The following P2RX4 variants were observed in gnomAD, a reference collection of about 807,000 sequenced individuals.
P2RX4 encodes the protein purinergic receptor P2X 4.
P2RX4 carries 37 observed loss-of-function variants against 48.0 expected under a neutral mutation model. The observed-to-expected ratio is 0.77, with a 90% CI of 0.59 to 1.01. The LOEUF (loss-of-function observed/expected upper bound fraction) is 1.01. Ranked by LOEUF, P2RX4 falls within the 50% of genes least tolerant of loss-of-function variation. P2RX4 has a pLI of 0.00. For synonymous variants in P2RX4, 200 were observed against 199.7 expected, an observed-to-expected ratio of 1.00 and a Z score of -0.01; for missense variants, 501 against 521.4, an observed-to-expected ratio of 0.96 and a Z score of 0.38.
chr12:121,210,267 G>A lies in P2RX4; in HGVS notation c.103G>A (p.Val35Met), dbSNP rs149492132. The A allele has an allele frequency of 6.4e-6, 10 of 1,556,152 alleles. No homozygotes were observed. The Admixed American group carries it at 1.2e-4, about 18-fold the overall frequency. ...SRKVGLMNRAVQLLILAYVIG... is the reference protein window; with the variant it reads ...SRKVGLMNRAMQLLILAYVIG... ...CAAAGTGGGGCTCATGAACCGCGCC[G>A]TGCAACTGCTCATCCTGGCCTACGT... is the stretch of plus-strand genomic sequence containing the variant. Residue 35 changes from valine (V) to methionine (M), a missense_variant, in exon 1 of 12, where the codon GTG becomes ATG. Coordinates refer to ENST00000337233, the MANE Select transcript of P2RX4 (RefSeq NM_002560.3).
At chr12:121,224,849 C>T (rs1886879566) in intron 5 of P2RX4, among the ~76,000 whole-genome samples, 2 of 151,222 alleles carry the variant, frequency 1.3e-5, no homozygotes, top group Non-Finnish European at 2.9e-5. Context: ...TGTGTTGAGA[C>T]AGAAGGAAAG....
rs71079040 is a variant in P2RX4 at position 121,221,166 on chromosome 12, TTGTGTG to T, written c.283-721_283-716del. 7.6e-3 allele frequency among the ~76,000 whole-genome samples: 768 copies of T among 100,896 alleles called. 2 individuals are homozygous for T. The highest frequency in any genetic ancestry group is 0.019 in the African/African-American group (500 of 26,310). 66.2% of individuals were successfully genotyped at this position (100,896 alleles called of 152,430 possible). ...TGTGTGTGCGTGTGTCTGTGTGTGTTTGTGTGTGTGTGTGTGTGTGTGTGTGTGTGT... is the reference window on the plus strand; with the variant it reads ...TGTGTGTGCGTGTGTCTGTGTGTGTTTGTGTGTGTGTGTGTGTGTGTGTGT... On this transcript the variant is annotated intron_variant, in intron 2 of 11. Coordinates refer to ENST00000337233, the MANE Select transcript of P2RX4 (RefSeq NM_002560.3).
In P2RX4 at chr12:121,232,622, T is replaced by G. The variant is rs1218262586; in HGVS notation, c.990T>G (p.Phe330Leu). The change falls in exon 10 of 12, where the codon TTT becomes TTG. Residue 330 changes from phenylalanine (F) to leucine (L), a missense_variant. Transcript: ENST00000337233. This position sits in a 1 kb window ranked among gnomAD's most constrained non-coding sequence, Gnocchi z 4.3. ...DIIVFGKAGK[F>L]DIIPTMINIG... ...CGGTGTCTTGGCAGGCAGGGAAATT[T>G]GACATCATCCCCACTATGATCAACA... 1 of 1,614,038 alleles carries G rather than the reference T, an allele frequency of 6.2e-7. No individual in the cohort carries two copies. Among genetic ancestry groups the G allele is most frequent in the Admixed American group, 1.7e-5 (1 of 60,026 alleles).
Position 121,210,185 on chromosome 12 carries a change from G to A in P2RX4, c.21G>A (p.Ala7=), listed in dbSNP as rs1885713025. 3 of 1,530,610 alleles carry A rather than the reference G, an allele frequency of 2.0e-6. No individual in the cohort carries two copies. In the East Asian group the frequency reaches 8.3e-5, roughly 42 times the overall value. 94.8% of individuals were successfully genotyped at this position (1,530,610 alleles called of 1,614,324 possible). Residue 7 remains alanine (A), a synonymous_variant, in exon 1 of 12, where the codon GCG becomes GCA. Transcript: ENST00000337233. MAGCCA[A]LAAFLFEYDT... is the part of the protein sequence containing the mutation. ...CGGCCATGGCGGGCTGCTGCGCCGCGCTGGCGGCCTTCCTGTTCGAGTACG... is the reference window on the plus strand; with the variant it reads ...CGGCCATGGCGGGCTGCTGCGCCGCACTGGCGGCCTTCCTGTTCGAGTACG...
At position 121,228,791 on chromosome 12, in the gene P2RX4, T is replaced by A; in HGVS notation, c.672T>A (p.Asp224Glu). ...LKSCIYDAKT[D>E]PFCPIFRLGK... ...CGTGCATTTATGATGCTAAAACAGATCCCTTCTGCCCCATATTCCGTCTTG... is the reference window on the plus strand; with the variant it reads ...CGTGCATTTATGATGCTAAAACAGAACCCTTCTGCCCCATATTCCGTCTTG... Residue 224 changes from aspartate (D) to glutamate (E), a missense_variant, in exon 7 of 12, where the codon GAT becomes GAA. By Grantham distance (45) the Asp-to-Glu change is conservative. Around this residue, in one of 3 missense-constraint regions of P2RX4, gnomAD observed 9 missense variants for 26.6 expected, o/e 0.34. Transcript: ENST00000337233. 5 of 1,614,124 alleles carry A rather than the reference T, an allele frequency of 3.1e-6. No individual in the cohort carries two copies. Among genetic ancestry groups the A allele is most frequent in the South Asian group, 1.1e-5 (1 of 91,088 alleles).
intron 2 of P2RX4, among the ~76,000 whole-genome samples, chr12:121,218,810 T>G (rs1886389351): frequency 6.6e-6 from 1 of 152,184 alleles, no homozygotes; most frequent in South Asian, 2.1e-4. Context: ...GTCATCTATT[T>G]GCAGCCCCTT....
chr12:121,222,054 C>T (rs369774295), intron 3 of P2RX4, 40 bp from the exon 4 acceptor site: 17 of 1,599,792 alleles, frequency 1.1e-5, no homozygotes, highest in African/African-American at 9.4e-5. Flanking sequence ...TGTGTGGGGC[C>T]GGGCCACGTG....
intron 8 of P2RX4, among the ~76,000 whole-genome samples, chr12:121,230,915 T>A (rs943968436): frequency 2.1e-5 from 3 of 145,938 alleles, no homozygotes; most frequent in African/African-American, 7.8e-5. Flanking sequence ...CTCTCTCTCA[T>A]ATATGTATAT....
At chr12:121,230,407 A>G (rs1887264444) in intron 8 of P2RX4, among the ~76,000 whole-genome samples, 1 of 152,154 alleles carries the variant, frequency 6.6e-6, no homozygotes, top group African/African-American at 2.4e-5. Context: ...GAGGCCCTGC[A>G]AGGACCATCC....
Position 121,232,558 on chromosome 12 carries a change from G to T in P2RX4, c.978+51G>T, listed in dbSNP as rs1465494038. On this transcript the variant is annotated intron_variant, in intron 9 of 11. Transcript: ENST00000337233. The surrounding 1 kb of genome is among the most constrained non-coding windows in gnomAD (Gnocchi z 4.3). ...CCGTCACTCCCTGCAGGGACAAGGG[G>T]CCTCTCCCTGCCCCTGCAGAAACAC... 3 of 1,600,578 alleles carry T rather than the reference G, an allele frequency of 1.9e-6. No homozygotes were observed. Among genetic ancestry groups the T allele is most frequent in the Admixed American group, 1.7e-5 (1 of 59,990 alleles).
At chr12:121,223,403 C>T in intron 5 of P2RX4, 1 of 322,288 alleles carries the variant, frequency 3.1e-6, no homozygotes, top group Non-Finnish European at 6.0e-6. Context: ...GCCGGAAGCA[C>T]CTTCAACTCT....
At position 121,221,898 on chromosome 12, in the gene P2RX4, G is replaced by A; in HGVS notation, c.283-15G>A. ...CCTCTGAGCGTGGCTTGCCCGTGCT[G>A]TCTCCCCTCTGCAGGAGGAAAACTC... is the stretch of plus-strand genomic sequence containing the variant. On this transcript the variant is annotated splice_polypyrimidine_tract_variant and intron_variant, in intron 2 of 11. Coordinates refer to ENST00000337233, the MANE Select transcript of P2RX4 (RefSeq NM_002560.3). 1 of 1,613,682 alleles carries A rather than the reference G, an allele frequency of 6.2e-7. No individual in the cohort carries two copies. Among genetic ancestry groups the A allele is most frequent in the Non-Finnish European group, 8.5e-7 (1 of 1,179,622 alleles).
At position 121,223,108 on chromosome 12, in the gene P2RX4, C is replaced by A. The variant is rs1249320778; in HGVS notation, c.524+65C>A. The A allele has an allele frequency of 2.2e-5, 23 of 1,031,866 alleles. No individual in the cohort carries two copies. In the East Asian group the frequency reaches 5.7e-4, roughly 26 times the overall value. 63.9% of individuals were successfully genotyped at this position (1,031,866 alleles called of 1,614,324 possible). ...GTTTTGTTTTAGACACAGTTTCACT[C>A]TGTATCCCAGGTTGGAGTGCAGTGG... On this transcript the variant is annotated intron_variant, in intron 5 of 11. Transcript: ENST00000337233.
chr12:121,226,800 A>C (rs1420868866), intron 5 of P2RX4, among the ~76,000 whole-genome samples: 2 of 151,954 alleles, frequency 1.3e-5, no homozygotes, highest in East Asian at 3.9e-4. Context: ...ATCCCTCTTG[A>C]GGGAGTGGGG....
In P2RX4 at chr12:121,210,265, C is replaced by T; in HGVS notation, c.101C>T (p.Ala34Val). 1 of 1,556,954 alleles carries T rather than the reference C, an allele frequency of 6.4e-7. No homozygotes were observed. The highest frequency in any genetic ancestry group is 8.6e-7 in the Non-Finnish European group (1 of 1,156,240). ...RSRKVGLMNR[A>V]VQLLILAYVI... The stretch of plus-strand genomic sequence containing the variant: ...CGCAAAGTGGGGCTCATGAACCGCG[C>T]CGTGCAACTGCTCATCCTGGCCTAC... Residue 34 changes from alanine (A) to valine (V), a missense_variant, in exon 1 of 12, where the codon GCC becomes GTC. This residue lies in a region of P2RX4 where 295 missense variants were observed against 275.3 expected (regional missense o/e 1.07). Coordinates refer to ENST00000337233, the MANE Select transcript of P2RX4 (RefSeq NM_002560.3).
chr12:121,231,371 A>C (rs565306861), intron 8 of P2RX4, among the ~76,000 whole-genome samples: 1 of 152,248 alleles, frequency 6.6e-6, no homozygotes, highest in East Asian at 1.9e-4. Context: ...CATAGTTTTC[A>C]CTATATTCAC....
At chr12:121,221,882 G>A (rs569170911) in intron 2 of P2RX4, 31 bp from the exon 3 acceptor site, 64 of 1,605,122 alleles carry the variant, frequency 4.0e-5, no homozygotes, top group East Asian at 8.9e-5. Context: ...TCCTCTGAGC[G>A]TGGCTTGCCC....
intron 11 of P2RX4, 138 bp from the exon 12 acceptor site, chr12:121,233,385 C>T (rs571553572): frequency 3.3e-4 from 279 of 852,808 alleles, no homozygotes; most frequent in Non-Finnish European, 4.4e-4. Context: ...GTGCACCTTG[C>T]GGAACAGGAA....
intron 2 of P2RX4, among the ~76,000 whole-genome samples, chr12:121,217,892 C>G (rs1046791592): frequency 1.3e-5 from 2 of 152,098 alleles, no homozygotes; most frequent in African/African-American, 4.8e-5. Flanking sequence ...ACATTGTTTA[C>G]TGCTGCATAC....
Sources: allele counts gnomAD v4.1 joint callset (sites outside exome capture counted in the v4.1 genomes callset), GRCh38; gene constraint gnomAD v4.1.1; regional missense constraint gnomAD v4.1.1; non-coding constraint Gnocchi (gnomAD v3.1); transcripts MANE v1.5; gene names NCBI Gene and HGNC (gene_info 2026-07-23, HGNC 2026-07-21).